SMC2: variants seen among roughly 807,000 people sequenced by gnomAD.
The protein encoded by SMC2 is structural maintenance of chromosomes protein 2.
A neutral mutation model predicts 142.6 loss-of-function variants in SMC2; 41 were observed. The observed-to-expected ratio is 0.29, with a 90% confidence interval of 0.22 to 0.37. The LOEUF (loss-of-function observed/expected upper bound fraction) is 0.37, where lower values mean the gene tolerates loss of function less well. SMC2 is among the 10% of genes least tolerant of loss of function. SMC2 has a pLI of 1.00. For missense variants in SMC2, 1,265 were observed against 1,373.7 expected (o/e 0.92, Z 1.25); for synonymous variants, 463 against 457.5 (o/e 1.01, Z -0.15).
chr9:104,131,941 C>G, intron 21 of SMC2, 68 bp from the exon 22 acceptor site: 1 of 814,674 alleles, frequency 1.2e-6, no homozygotes, highest in Non-Finnish European at 2.0e-6. Flanking sequence ...CTGTTTATTT[C>G]TGACCAAATT....
At chr9:104,114,942 T>C in intron 13 of SMC2, 113 bp downstream of exon 13, 4 of 763,276 alleles carry the variant, frequency 5.2e-6, no homozygotes, top group Non-Finnish European at 3.9e-6. Context: ...AGGTGACTTA[T>C]TTATAGGGTA....
upstream of SMC2, chr9:104,092,324 G>C (rs10991104): frequency 6.6e-6 from 1 of 152,130 alleles, no homozygotes; most frequent in East Asian, 1.9e-4. Flanking sequence ...GTGCACTTGT[G>C]TATGTTTTCA....
At position 104,129,683 on chromosome 9, in the gene SMC2, A is replaced by G. The variant is rs757109861; in HGVS notation, c.2829A>G (p.Ala943=). Residue 943 remains alanine (A), a synonymous_variant, in exon 21 of 25, where the codon GCA becomes GCG. Coordinates refer to ENST00000374793, the MANE Select transcript of SMC2 (RefSeq NM_006444.3). Reference sequence around the variant, plus strand: ...TGAAAGATTATGACTGGATTAATGCAGAGAGACACCTCTTTGGCCAACCCA... The same window carrying G: ...TGAAAGATTATGACTGGATTAATGCGGAGAGACACCTCTTTGGCCAACCCA... ...KMLKDYDWIN[A]ERHLFGQPNS... 3 of 1,613,934 alleles carry G rather than the reference A, an allele frequency of 1.9e-6. No homozygotes were observed. Among genetic ancestry groups the G allele is most frequent in the Admixed American group, 3.3e-5 (2 of 59,998 alleles).
chr9:104,131,453 G>A (rs1414782757), intron 21 of SMC2, among the ~76,000 whole-genome samples: 1 of 151,938 alleles, frequency 6.6e-6, no homozygotes, highest in Non-Finnish European at 1.5e-5. Context: ...AGCCATCATG[G>A]CACATGTATA....
rs748831643 is a variant in SMC2 at position 104,102,199 on chromosome 9, A to C, written c.870+6A>C. ...TGGAAAAAAGAAAAGATAAGGTCTG[A>C]ACATATGTATAAGAATCGATAATAT... On this transcript the variant is annotated splice_donor_region_variant and intron_variant, in intron 8 of 24. Transcript: ENST00000374793. The C allele has an allele frequency of 1.4e-6, 2 of 1,456,522 alleles. No individual in the cohort carries two copies. The highest frequency in any genetic ancestry group is 1.9e-6 in the Non-Finnish European group (2 of 1,054,190). The allele number at this position is 1,456,522 out of a possible 1,614,324, so 90.2% of individuals were successfully genotyped here.
At chr9:104,089,043 G>T in the SMC2 span, among the ~76,000 whole-genome samples, 2 of 152,072 alleles carry the variant, frequency 1.3e-5, no homozygotes, top group Non-Finnish European at 2.9e-5. Context: ...GAGAAAGTAG[G>T]TTGGGAACAG....
At chr9:104,122,290 G>A (rs1298181874) in intron 16 of SMC2, among the ~76,000 whole-genome samples, 1 of 152,100 alleles carries the variant, frequency 6.6e-6, no homozygotes, top group Non-Finnish European at 1.5e-5. Flanking sequence ...AATGAGAATG[G>A]TGGAAGAATC....
In SMC2 at chr9:104,095,349, C is replaced by G. The variant is rs370926557; in HGVS notation, c.-36C>G. The G allele has an allele frequency of 1.4e-4, 217 of 1,581,402 alleles. 2 individuals carry two copies. Among genetic ancestry groups the G allele is most frequent in the South Asian group, 1.3e-3 (116 of 88,576 alleles). On this transcript the variant is annotated 5_prime_UTR_variant, in exon 2 of 25. Coordinates refer to ENST00000374793, the MANE Select transcript of SMC2 (RefSeq NM_006444.3). ...AACTGGTTTGTGGCCTGTTTGATTC[C>G]TGTCAGAGGTTTGCTGACCCAAGAC...
At chr9:104,122,469 TG>T (rs1325812354) in intron 16 of SMC2, among the ~76,000 whole-genome samples, 1 of 150,132 alleles carries the variant, frequency 6.7e-6, no homozygotes, top group Non-Finnish European at 1.5e-5. Flanking sequence ...TTATAAGTTT[TG>T]TTTTTTTTTT....
intron 20 of SMC2, among the ~76,000 whole-genome samples, chr9:104,128,625 G>A (rs947440930): frequency 6.6e-6 from 1 of 152,154 alleles, no homozygotes; most frequent in South Asian, 2.1e-4. Flanking sequence ...GTACTTTGGG[G>A]CCTACAGGTG....
chr9:104,126,025 T>G (rs567208121), intron 18 of SMC2, among the ~76,000 whole-genome samples: 18 of 152,288 alleles, frequency 1.2e-4, no homozygotes, highest in African/African-American at 3.4e-4. Context: ...TTCCACCTTG[T>G]GTCAGATCAG....
In SMC2 at chr9:104,102,021, T is replaced by C; in HGVS notation, c.698T>C (p.Leu233Ser). The change falls in exon 8 of 25, where the codon TTA becomes TCA. Residue 233 changes from leucine (L) to serine (S), a missense_variant. This residue lies in a region of SMC2 where 898 missense variants were observed against 904.2 expected (regional missense o/e 0.99). Transcript: ENST00000374793. Reference protein sequence around the residue: ...VMREIEHLSRLYIAYQFLLAE... With the variant: ...VMREIEHLSRSYIAYQFLLAE... ...AGAGAAATAGAACATTTGAGTCGTTTATATATTGCTTATCAGTTTTTGCTG... is the reference window on the plus strand; with the variant it reads ...AGAGAAATAGAACATTTGAGTCGTTCATATATTGCTTATCAGTTTTTGCTG... 1.2e-6 allele frequency: 2 copies of C among 1,612,810 alleles called. No homozygotes were observed. The highest frequency in any genetic ancestry group is 1.7e-6 in the Non-Finnish European group (2 of 1,179,476).
chr9:104,122,797 A>AT (rs937794471), intron 16 of SMC2, among the ~76,000 whole-genome samples: 25 of 151,402 alleles, frequency 1.7e-4, no homozygotes, highest in African/African-American at 3.1e-4. Context: ...AGTTGGTTTG[A>AT]TTTTTTTTTC....
upstream of SMC2, among the ~76,000 whole-genome samples, chr9:104,089,687 C>T (rs911121738): frequency 5.9e-5 from 9 of 152,072 alleles, no homozygotes; most frequent in African/African-American, 2.2e-4. Context: ...GCTCTGTCAC[C>T]AGGCTGGAGT....
chr9:104,108,288 A>G (rs1403414907), intron 9 of SMC2, among the ~76,000 whole-genome samples: 1 of 152,134 alleles, frequency 6.6e-6, no homozygotes, highest in Non-Finnish European at 1.5e-5. Flanking sequence ...GTATAGGGCC[A>G]TCTCTGGTGG....
Position 104,138,012 on chromosome 9 carries a change from TC to T in SMC2, c.3270-5del. The T allele has an allele frequency of 6.4e-7, 1 of 1,557,398 alleles. No homozygotes were observed. Among genetic ancestry groups the T allele is most frequent in the Non-Finnish European group, 8.7e-7 (1 of 1,147,974 alleles). ...TTTTATGGCTTTTCTTCTGACCTTT[TC>T]TTAGGTCTTTAGTGGCCTTGTCATT... is the stretch of plus-strand genomic sequence containing the variant. On this transcript the variant is annotated splice_polypyrimidine_tract_variant and splice_region_variant and intron_variant, in intron 23 of 24. Coordinates refer to ENST00000374793, the MANE Select transcript of SMC2 (RefSeq NM_006444.3).
At chr9:104,133,866 T>C (rs1360451540) in intron 22 of SMC2, among the ~76,000 whole-genome samples, 1 of 152,168 alleles carries the variant, frequency 6.6e-6, no homozygotes, top group Admixed American at 6.6e-5. Context: ...TCTGGTCCTT[T>C]GATTTCATGC....
intron 9 of SMC2, among the ~76,000 whole-genome samples, chr9:104,107,721 C>T (rs954776548): frequency 6.6e-6 from 1 of 152,224 alleles, no homozygotes; most frequent in Non-Finnish European, 1.5e-5. Context: ...GTCCAAGTGA[C>T]CTTGACATTC....
Position 104,139,301 on chromosome 9 carries a change from C to T in SMC2, c.3580C>T (p.His1194Tyr). The change falls in exon 25 of 25, where the codon CAT becomes TAT. Residue 1194 changes from histidine (H) to tyrosine (Y), a missense_variant. By Grantham distance (83) the His-to-Tyr change is moderately conservative. Around this residue, in one of 4 missense-constraint regions of SMC2, gnomAD observed 192 missense variants for 261.9 expected, o/e 0.73. Coordinates refer to ENST00000374793, the MANE Select transcript of SMC2 (RefSeq NM_006444.3). ...CAAGGCAAAACCACCCAAAGGAGCACATGTGGAAGTTTAAACTACAAAGTT... is the reference window on the plus strand; with the variant it reads ...CAAGGCAAAACCACCCAAAGGAGCATATGTGGAAGTTTAAACTACAAAGTT... The part of the protein sequence containing the change: ...KSKAKPPKGA[H>Y]VEV 1 of 1,581,916 alleles carries T rather than the reference C, an allele frequency of 6.3e-7. No homozygotes were observed. The highest frequency in any genetic ancestry group is 8.5e-7 in the Non-Finnish European group (1 of 1,170,308).
Sources: gnomAD v4.1 joint callset for allele counts (sites outside exome capture counted in the v4.1 genomes callset) on GRCh38, gnomAD v4.1.1 for gene constraint, gnomAD v4.1.1 regional missense constraint, MANE v1.5 for transcripts, NCBI Gene and HGNC (gene_info 2026-07-23, HGNC 2026-07-21) for gene names.